RAB44: variants seen among roughly 807,000 people sequenced by gnomAD.
RAB44 encodes ras-related protein Rab-44.
RAB44 carries 67 observed loss-of-function variants against 93.3 expected under a neutral mutation model. That is an observed-to-expected ratio of 0.72 (90% CI 0.59 to 0.88). The LOEUF is 0.88. Among genes scored for constraint, RAB44 ranks in the 40% least tolerant of loss-of-function variants. The pLI is 0.00. For missense variants in RAB44, 1,064 were observed against 1,261.7 expected (o/e 0.84, Z 2.37); for synonymous variants, 427 against 520.3 (o/e 0.82, Z 2.44).
In RAB44 at chr6:36,721,424, G is replaced by A; in HGVS notation, c.1290G>A (p.Gly430=). The A allele has an allele frequency of 4.9e-6, 6 of 1,234,358 alleles. No individual in the cohort carries two copies. Among genetic ancestry groups the A allele is most frequent in the Non-Finnish European group, 6.1e-6 (6 of 988,222 alleles). The allele number at this position is 1,234,358 out of a possible 1,614,324, so 76.5% of individuals were successfully genotyped here. Residue 430 remains glycine, a synonymous_variant, in exon 9 of 14, where the codon GGG becomes GGA. Transcript: ENST00000612677. ...AGGAGCCATCTTCAGATCCAGATGG[G>A]GCTCCAAGGACCCCACCTGGGGTGA... is the stretch of plus-strand genomic sequence containing the variant. ...FGQEPSSDPD[G]APRTPPGVTF...
At chr6:36,708,091 A>G (rs1248195049) in intron 2 of RAB44, among the ~76,000 whole-genome samples, 1 of 152,122 alleles carries the variant, frequency 6.6e-6, no homozygotes, top group Non-Finnish European at 1.5e-5. Context: ...GTGCACCTGC[A>G]GTCCCAGCTA....
chr6:36,717,531 T>C lies in RAB44; in HGVS notation c.641+112T>C, dbSNP rs1762952296. 8.7e-7 allele frequency: 1 copy of C among 1,153,014 alleles called. No homozygotes were observed. The highest frequency in any genetic ancestry group is 1.6e-5 in the African/African-American group (1 of 62,760). 71.4% of individuals were successfully genotyped at this position (1,153,014 alleles called of 1,614,324 possible). Reference sequence around the variant, plus strand: ...CCTGCAGCTGGGCCTGTGAGCTGGATAGGGCAGAGCTGCGCTGGAGGAAGA... The same window carrying C: ...CCTGCAGCTGGGCCTGTGAGCTGGACAGGGCAGAGCTGCGCTGGAGGAAGA... On this transcript the variant is annotated intron_variant, in intron 5 of 13. Coordinates refer to ENST00000612677, the MANE Select transcript of RAB44 (RefSeq NM_001257357.2). The surrounding 1 kb of genome is among the most constrained non-coding windows in gnomAD (Gnocchi z 4.1).
At position 36,733,183 on chromosome 6, in the gene RAB44, C is replaced by T. The variant is rs539272243; in HGVS notation, c.*1090C>T. On this transcript the variant is annotated 3_prime_UTR_variant, in exon 14 of 14. Transcript: ENST00000612677. ...AATTGAATATACAACATGTGCCAGG[C>T]ACTGAATTTGTTTGTTTGTTTTTTG... The T allele has an allele frequency of 1.4e-4, 22 of 152,284 alleles. No homozygotes were observed. The highest frequency in any genetic ancestry group is 5.1e-4 in the African/African-American group (21 of 41,550). 9.4% of individuals were successfully genotyped at this position (152,284 alleles called of 1,614,324 possible).
rs774866419 is a variant in RAB44, at chr6:36,722,378, G to C, written c.2244G>C (p.Arg748Ser). ...CACCTCCAAGGGGCTCTCCTCCCAG[G>C]GGGGCTCAGCCTGGGGCTGGAGCAG... ...KSAPPRGSPP[R>S]GAQPGAGAGP... The change falls in exon 9 of 14, where the codon AGG becomes AGC. Residue 748 changes from arginine (R) to serine (S), a missense_variant. Transcript: ENST00000612677. 146 of 1,364,262 alleles carry C rather than the reference G, an allele frequency of 1.1e-4. No homozygotes were observed. Among genetic ancestry groups the C allele is most frequent in the Middle Eastern group, 7.5e-4 (4 of 5,314 alleles). The allele number at this position is 1,364,262 out of a possible 1,614,324, so 84.5% of individuals were successfully genotyped here.
chr6:36,709,140 C>CA (rs1762721020), intron 2 of RAB44, among the ~76,000 whole-genome samples: 2 of 151,720 alleles, frequency 1.3e-5, no homozygotes, highest in African/African-American at 2.4e-5. Context: ...TTAGTAGAGA[C>CA]GGGTTTCACT....
intron 2 of RAB44, among the ~76,000 whole-genome samples, chr6:36,712,277 T>C (rs1434050454): frequency 6.6e-6 from 1 of 152,048 alleles, no homozygotes; most frequent in Non-Finnish European, 1.5e-5. Flanking sequence ...CATTCCAGCC[T>C]GAATGACAGT....
In RAB44 at chr6:36,727,594, G is replaced by C; in HGVS notation, c.2699G>C (p.Arg900Pro). 6.4e-7 allele frequency: 1 copy of C among 1,550,500 alleles called. No homozygotes were observed. Among genetic ancestry groups the C allele is most frequent in the Non-Finnish European group, 8.7e-7 (1 of 1,146,962 alleles). ...AGQERYHSMT[R>P]QLLRKADGVV... ...CTGGGCAGGTACCACAGTATGACGC[G>C]ACAGCTGCTCCGCAAGGCTGACGGG... The change falls in exon 11 of 14, where the codon CGA becomes CCA. Residue 900 changes from arginine (R) to proline (P), a missense_variant. By Grantham distance (103) the Arg-to-Pro change is moderately radical. Transcript: ENST00000612677.
At position 36,722,126 on chromosome 6, in the gene RAB44, C is replaced by T; in HGVS notation, c.1992C>T (p.Ala664=). Residue 664 remains alanine (A), a synonymous_variant, in exon 9 of 14, where the codon GCC becomes GCT. Transcript: ENST00000612677. ...GQVLGLGELS[A]FPHQELEEEP... Reference sequence around the variant, plus strand: ...TCCTTGGGCTGGGTGAGCTGTCTGCCTTCCCCCACCAGGAGCTGGAAGAGG... The same window carrying T: ...TCCTTGGGCTGGGTGAGCTGTCTGCTTTCCCCCACCAGGAGCTGGAAGAGG... 3.2e-6 allele frequency: 4 copies of T among 1,236,598 alleles called. No individual in the cohort carries two copies. Among genetic ancestry groups the T allele is most frequent in the Non-Finnish European group, 4.0e-6 (4 of 989,802 alleles). 76.6% of individuals were successfully genotyped at this position (1,236,598 alleles called of 1,614,324 possible).
Position 36,731,942 on chromosome 6 carries a change from G to T in RAB44, c.2976-61G>T. On this transcript the variant is annotated intron_variant, in intron 13 of 13. Transcript: ENST00000612677. This position sits in a 1 kb window ranked among gnomAD's most constrained non-coding sequence, Gnocchi z 4.0. ...TCCCACCCCCCAGCTGCACCCATGG[G>T]CCCATCCGTGCTGCCCGTAGGAGGT... The T allele has an allele frequency of 8.9e-7, 1 of 1,124,544 alleles. No individual in the cohort carries two copies. Among genetic ancestry groups the T allele is most frequent in the Non-Finnish European group, 1.1e-6 (1 of 890,368 alleles). The allele number at this position is 1,124,544 out of a possible 1,614,324, so 69.7% of individuals were successfully genotyped here.
intron 9 of RAB44, 98 bp from the exon 10 acceptor site, chr6:36,725,764 C>T (rs957178481): frequency 1.9e-5 from 15 of 804,540 alleles, no homozygotes; most frequent in South Asian, 5.9e-5. Context: ...TCCATCGCAC[C>T]GCAGCTGGTA....
chr6:36,728,967 A>G (rs236469), intron 12 of RAB44, among the ~76,000 whole-genome samples, 166 bp downstream of exon 12: 56,501 of 151,854 alleles, frequency 0.37, 10,803 homozygotes, highest in African/African-American at 0.44. Flanking sequence ...CAGCCTAGCC[A>G]CCTCTGCCTC....
At chr6:36,725,694 A>G in intron 9 of RAB44, 168 bp from the exon 10 acceptor site, 1 of 595,180 alleles carries the variant, frequency 1.7e-6, no homozygotes, top group African/African-American at 1.8e-5. Flanking sequence ...TTCTTGGAGG[A>G]AGTGGGTCCT....
chr6:36,727,447 C>T (rs966733349), intron 10 of RAB44, 130 bp from the exon 11 acceptor site: 21 of 641,220 alleles, frequency 3.3e-5, no homozygotes, highest in Non-Finnish European at 4.2e-5. Context: ...CTACACTGTA[C>T]GAAGAAAAGC....
At chr6:36,709,355 A>C (rs988775393) in intron 2 of RAB44, among the ~76,000 whole-genome samples, 1 of 152,248 alleles carries the variant, frequency 6.6e-6, no homozygotes, top group Non-Finnish European at 1.5e-5. Flanking sequence ...AATCAAGGCA[A>C]ATAAAATTCT....
At chr6:36,728,566 G>T (rs1763289984) in intron 11 of RAB44, 134 bp from the exon 12 acceptor site, 3 of 687,042 alleles carry the variant, frequency 4.4e-6, no homozygotes, top group Non-Finnish European at 7.9e-6. Flanking sequence ...AAGGGTCCAG[G>T]TGAGAAGGTT....
intron 2 of RAB44, among the ~76,000 whole-genome samples, chr6:36,707,328 G>A (rs1467022842): frequency 4.0e-5 from 6 of 151,412 alleles, no homozygotes; most frequent in Non-Finnish European, 7.4e-5. Flanking sequence ...CTGCACTCCA[G>A]CCTGGGTGAC....
At chr6:36,723,100 A>G (rs1194153575) in intron 9 of RAB44, among the ~76,000 whole-genome samples, 1 of 152,258 alleles carries the variant, frequency 6.6e-6, no homozygotes, top group Non-Finnish European at 1.5e-5. Flanking sequence ...GACTAGCTCC[A>G]GGCTGGGCAG....
intron 3 of RAB44, among the ~76,000 whole-genome samples, chr6:36,714,237 G>A (rs898052772): frequency 3.3e-5 from 5 of 152,326 alleles, no homozygotes; most frequent in African/African-American, 1.2e-4. Flanking sequence ...TGTGGCTTTG[G>A]TTAAGGGAAT....
In RAB44 at chr6:36,730,759, G is replaced by GGCCGGCCCCC; in HGVS notation, c.2975+10_2975+11insGCCGGCCCCC. ...TAGTAAACCTGGCCAGGTAAGTGCT[G>GGCCGGCCCCC]CCCGCCCCCCGCCGCCCCCACCCCC... On this transcript the variant is annotated intron_variant, in intron 13 of 13. Transcript: ENST00000612677. 8.3e-7 allele frequency: 1 copy of GGCCGGCCCCC among 1,203,326 alleles called. No homozygotes were observed. Among genetic ancestry groups the GGCCGGCCCCC allele is most frequent in the Non-Finnish European group, 1.0e-6 (1 of 974,728 alleles). The allele number at this position is 1,203,326 out of a possible 1,614,324, so 74.5% of individuals were successfully genotyped here.
Sources: gnomAD v4.1 joint callset for allele counts (sites outside exome capture counted in the v4.1 genomes callset) on GRCh38, gnomAD v4.1.1 for gene constraint, Gnocchi (gnomAD v3.1) non-coding constraint, MANE v1.5 for transcripts, NCBI Gene and HGNC (gene_info 2026-07-23, HGNC 2026-07-21) for gene names.